The following ELL3 variants were observed in gnomAD, a reference collection of about 807,000 sequenced individuals.
The protein encoded by ELL3 is elongation factor for RNA polymerase II 3.
In ELL3, 48 loss-of-function variants were observed where a neutral mutation model predicts 58.5. That is an observed-to-expected ratio of 0.82 (90% CI 0.65 to 1.04). The LOEUF is 1.04. Ranked by LOEUF, ELL3 falls within the 50% of genes least tolerant of loss-of-function variation. The probability of loss-of-function intolerance (pLI) is 0.00; values close to 1 mark genes in which losing one functional copy is unlikely to be tolerated. For missense variants in ELL3, 458 were observed against 478.4 expected, an observed-to-expected ratio of 0.96 and a Z score of 0.40; for synonymous variants, 174 against 173.2, an observed-to-expected ratio of 1.00 and a Z score of -0.04.
chr15:43,775,555 G>A lies in ELL3; in HGVS notation c.539C>T (p.Ser180Leu). 1.2e-6 allele frequency: 2 copies of A among 1,614,182 alleles called. No individual in the cohort carries two copies. Among genetic ancestry groups the A allele is most frequent in the South Asian group, 2.2e-5 (2 of 91,078 alleles). ...SNQGQSLPGS[S>L]REHMAQWEVR... ...TTCCCACTGTGCCATGTGCTCCCTTGAGGATCCTGGGAGTGACTGTCCTTG... is the reference window on the plus strand; with the variant it reads ...TTCCCACTGTGCCATGTGCTCCCTTAAGGATCCTGGGAGTGACTGTCCTTG... Residue 180 changes from serine to leucine, a missense_variant, in exon 5 of 11, where the codon TCA becomes TTA. Ser to Leu is a moderately radical substitution (Grantham distance 145). Transcript: ENST00000319359.
Position 43,773,007 on chromosome 15 carries a change from C to A in ELL3, c.*109G>T, listed in dbSNP as rs1230653502. 1 of 1,043,904 alleles carries A rather than the reference C, an allele frequency of 9.6e-7. No homozygotes were observed. Among genetic ancestry groups the A allele is most frequent in the Non-Finnish European group, 1.4e-6 (1 of 709,630 alleles). 64.7% of individuals were successfully genotyped at this position (1,043,904 alleles called of 1,614,324 possible). On this transcript the variant is annotated 3_prime_UTR_variant, in exon 11 of 11. Transcript: ENST00000319359. Reference sequence around the variant, plus strand: ...GCAGCTCTCTACTTGCCACCATGGACTCCAGTGGTCAGCATAAGAAAAGCA... The same window carrying A: ...GCAGCTCTCTACTTGCCACCATGGAATCCAGTGGTCAGCATAAGAAAAGCA...
rs2141663213 is a variant in ELL3, at chr15:43,776,672, G to A, written c.132+98C>T. On this transcript the variant is annotated intron_variant, in intron 1 of 10. Transcript: ENST00000319359. ...GAGAGGTGGGGAGGCCAGAGCTTGC[G>A]GAAGCCGCTCCCTCTCCCCTGCACC... 4 of 1,547,360 alleles carry A rather than the reference G, an allele frequency of 2.6e-6. No homozygotes were observed. The South Asian group carries it at 3.6e-5, about 14-fold the overall frequency.
At chr15:43,773,488 C>A (rs2086893508) in intron 9 of ELL3, 140 bp from the exon 10 acceptor site, 1 of 846,702 alleles carries the variant, frequency 1.2e-6, no homozygotes, top group Non-Finnish European at 1.9e-6. Flanking sequence ...TCTTGACCAT[C>A]CTGGCTAACA....
Position 43,774,758 on chromosome 15 carries a change from C to T in ELL3, c.661G>A (p.Val221Ile). The T allele has an allele frequency of 6.2e-7, 1 of 1,607,012 alleles. No individual in the cohort carries two copies. The highest frequency in any genetic ancestry group is 8.5e-7 in the Non-Finnish European group (1 of 1,178,056). ...TTTTCTTCCAGTTCTACAGTGGCTA[C>T]AGGCACTGAACGTTTCTGTTGAGGA... Reference protein sequence around the residue: ...KRLDKKRSVPVATVELEEKRF... With the variant: ...KRLDKKRSVPIATVELEEKRF... Residue 221 changes from valine (V) to isoleucine (I), a missense_variant, in exon 7 of 11, where the codon GTA becomes ATA. Physicochemically the swap from Val to Ile is conservative, Grantham distance 29. Coordinates refer to ENST00000319359, the MANE Select transcript of ELL3 (RefSeq NM_025165.3).
At chr15:43,775,974 C>G (rs1228346307) in intron 3 of ELL3, 51 bp from the exon 4 acceptor site, 1 of 1,612,168 alleles carries the variant, frequency 6.2e-7, no homozygotes, top group Admixed American at 1.7e-5. Context: ...TCTTAAGCAC[C>G]TCTCCACATT....
chr15:43,773,781 C>T (rs1482547837), intron 9 of ELL3, among the ~76,000 whole-genome samples: 4 of 151,908 alleles, frequency 2.6e-5, no homozygotes, highest in Non-Finnish European at 5.9e-5. Context: ...GTGGGTGGAT[C>T]ACTTGAAGTC....
At chr15:43,776,323 C>A in intron 2 of ELL3, 172 bp from the exon 3 acceptor site, 11 of 1,127,002 alleles carry the variant, frequency 9.8e-6, no homozygotes, top group South Asian at 1.4e-5. Flanking sequence ...ACAGCACAGT[C>A]CCCTCAAACC....
chr15:43,776,214 C>G lies in ELL3; in HGVS notation c.169-63G>C, dbSNP rs745924343. 1.6e-5 allele frequency: 24 copies of G among 1,455,996 alleles called. No individual in the cohort carries two copies. In the South Asian group the frequency reaches 1.7e-4, roughly 11 times the overall value. 90.2% of individuals were successfully genotyped at this position (1,455,996 alleles called of 1,614,324 possible). On this transcript the variant is annotated intron_variant, in intron 2 of 10. Coordinates refer to ENST00000319359, the MANE Select transcript of ELL3 (RefSeq NM_025165.3). Reference sequence around the variant, plus strand: ...GCCCCTCCCCCTCCTGCCGCCGCCACTCGTCCGGGAGCCAGTCCGTAAGTA... The same window carrying G: ...GCCCCTCCCCCTCCTGCCGCCGCCAGTCGTCCGGGAGCCAGTCCGTAAGTA...
chr15:43,775,584 G>T lies in ELL3; in HGVS notation c.510C>A (p.Ser170Arg). ...EEVSVSDPLASNQGQSLPGSS... is the reference protein window; with the variant it reads ...EEVSVSDPLARNQGQSLPGSS... ...ATCCTGGGAGTGACTGTCCTTGGTT[G>T]CTTGCCAGTGGATCTGACACTGACA... is the stretch of plus-strand genomic sequence containing the variant. The change falls in exon 5 of 11, where the codon AGC becomes AGA. Residue 170 changes from serine to arginine, a missense_variant. By Grantham distance (110) the Ser-to-Arg change is moderately radical. Transcript: ENST00000319359. The T allele has an allele frequency of 6.2e-7, 1 of 1,614,206 alleles. No individual in the cohort carries two copies. The highest frequency in any genetic ancestry group is 8.5e-7 in the Non-Finnish European group (1 of 1,180,034).
At chr15:43,774,138 A>G (rs1430594721) in intron 9 of ELL3, 44 bp downstream of exon 9, 2 of 1,602,708 alleles carry the variant, frequency 1.2e-6, no homozygotes, top group African/African-American at 1.3e-5. Flanking sequence ...GCAGGGGGTT[A>G]ATGGCCAGTA....
intron 9 of ELL3, 117 bp from the exon 10 acceptor site, chr15:43,773,465 C>G: frequency 9.3e-7 from 1 of 1,071,508 alleles, no homozygotes; most frequent in Non-Finnish European, 1.4e-6. Context: ...AGGCAGATAA[C>G]GAGGTCAGGA....
At position 43,774,179 on chromosome 15, in the gene ELL3, T is replaced by TA; in HGVS notation, c.1038+2dup. ...GGAAAGCCAGGCTGGGTCCTGTCCTTACCTTGTATTCTGGAGTTCCTCGCC... is the reference window on the plus strand; with the variant it reads ...GGAAAGCCAGGCTGGGTCCTGTCCTTAACCTTGTATTCTGGAGTTCCTCGCC... On this transcript the variant is annotated splice_region_variant and intron_variant, in intron 9 of 10. Coordinates refer to ENST00000319359, the MANE Select transcript of ELL3 (RefSeq NM_025165.3). 1 of 1,614,134 alleles carries TA rather than the reference T, an allele frequency of 6.2e-7. No individual in the cohort carries two copies. The highest frequency in any genetic ancestry group is 8.5e-7 in the Non-Finnish European group (1 of 1,179,986).
In ELL3 at chr15:43,775,376, TG is replaced by T; in HGVS notation, c.574del (p.Gln192ArgfsTer30). 1 of 1,613,510 alleles carries T rather than the reference TG, an allele frequency of 6.2e-7. No homozygotes were observed. Among genetic ancestry groups the T allele is most frequent in the Non-Finnish European group, 8.5e-7 (1 of 1,179,530 alleles). On this transcript the variant is annotated frameshift_variant, in exon 6 of 11. Coordinates refer to ENST00000319359, the MANE Select transcript of ELL3 (RefSeq NM_025165.3). LOFTEE classifies it high-confidence loss of function. The stretch of plus-strand genomic sequence containing the variant: ...AGGTTCTCTGTTTGGAACATGGGTC[TG>T]GCTTCTAGGATATTTTAAGGGAATG... The part of the protein sequence containing the change: ...EHMAQWEVRS[Q>X]THVPNREPVQ...
rs1461461037 is a variant in ELL3, at chr15:43,776,318, ACAGT to A, written c.169-171_169-168del. Reference sequence around the variant, plus strand: ...GAGTTCCCCAGGAGGCCGAAACAGCACAGTCCCCTCAAACCACAGCCCCCTGGGA... The same window carrying A: ...GAGTTCCCCAGGAGGCCGAAACAGCACCCCTCAAACCACAGCCCCCTGGGA... On this transcript the variant is annotated intron_variant, in intron 2 of 10. Coordinates refer to ENST00000319359, the MANE Select transcript of ELL3 (RefSeq NM_025165.3). 42 of 1,120,774 alleles carry A rather than the reference ACAGT, an allele frequency of 3.7e-5. No homozygotes were observed. The South Asian group carries it at 5.4e-4, about 15-fold the overall frequency. 69.4% of individuals were successfully genotyped at this position (1,120,774 alleles called of 1,614,324 possible). A position where few individuals can be genotyped will look rare whatever the true frequency, so the allele number is the denominator to read the frequency against.
In ELL3 at chr15:43,773,308, C is replaced by G. The variant is rs563469630; in HGVS notation, c.1079G>C (p.Arg360Thr). 1.9e-6 allele frequency: 3 copies of G among 1,614,206 alleles called. No homozygotes were observed. The Admixed American group carries it at 5.0e-5, about 27-fold the overall frequency. ...CGTTCCCAGACCTTGTCTTACCTTC[C>G]TGAACTTTTTATATTCCTGGATTAT... ...DKIIQEYKKF[R>T]KQYPSYREEK... The change falls in exon 10 of 11, where the codon AGG becomes ACG. Residue 360 changes from arginine (R) to threonine (T), a missense_variant. Physicochemically the swap from Arg to Thr is moderately conservative, Grantham distance 71. Transcript: ENST00000319359.
At chr15:43,776,182 G>A (rs751064634) in intron 2 of ELL3, 31 bp from the exon 3 acceptor site, 3 of 1,587,548 alleles carry the variant, frequency 1.9e-6, no homozygotes, top group Non-Finnish European at 2.6e-6. Context: ...TAAGCCCCAT[G>A]AAGTCAGCCC....
intron 9 of ELL3, among the ~76,000 whole-genome samples, chr15:43,773,838 C>T (rs1267535417): frequency 6.6e-6 from 1 of 151,638 alleles, no homozygotes; most frequent in African/African-American, 2.4e-5. Context: ...CCTGTCTCTA[C>T]TAAAAATACA....
At position 43,776,492 on chromosome 15, in the gene ELL3, C is replaced by T. The variant is rs1381607437; in HGVS notation, c.168+17G>A. ...CCTCGCCCTCACCTCGCTCACACAC[C>T]CTGAGCTCGCACTTACCCCTCGGTG... is the stretch of plus-strand genomic sequence containing the variant. On this transcript the variant is annotated intron_variant, in intron 2 of 10. Coordinates refer to ENST00000319359, the MANE Select transcript of ELL3 (RefSeq NM_025165.3). The T allele has an allele frequency of 2.6e-6, 4 of 1,561,682 alleles. No individual in the cohort carries two copies. In the East Asian group the frequency reaches 7.1e-5, roughly 28 times the overall value.
chr15:43,775,077 C>T (rs978841338), intron 6 of ELL3, among the ~76,000 whole-genome samples: 12 of 151,868 alleles, frequency 7.9e-5, no homozygotes, highest in African/African-American at 2.9e-4. Context: ...CCACAACACT[C>T]CAGCCTGAGG....
Sources: gnomAD v4.1 joint callset for allele counts (sites outside exome capture counted in the v4.1 genomes callset) on GRCh38, gnomAD v4.1.1 for gene constraint, MANE v1.5 for transcripts, NCBI Gene and HGNC (gene_info 2026-07-23, HGNC 2026-07-21) for gene names.